Variants in CTNNBL1 observed in about 807,000 individuals in gnomAD.
CTNNBL1 encodes beta-catenin-like protein 1.
Under a neutral mutation model 72.7 loss-of-function variants are expected in CTNNBL1, and 31 were observed. The observed-to-expected ratio is 0.43, with a 90% confidence interval of 0.32 to 0.58. The LOEUF is 0.58. CTNNBL1 is among the 20% of genes least tolerant of loss of function. The pLI, the probability that CTNNBL1 is intolerant of heterozygous loss-of-function variation, is 0.08. For missense variants in CTNNBL1, 534 were observed against 725.1 expected (o/e 0.74, Z 3.03); for synonymous variants, 240 against 267.3 (o/e 0.90, Z 1.00).
chr20:37,738,301 T>G (rs1239924150), intron 3 of CTNNBL1, among the ~76,000 whole-genome samples: 1 of 152,188 alleles, frequency 6.6e-6, no homozygotes, highest in African/African-American at 2.4e-5. Flanking sequence ...CCTCACAGGG[T>G]TGTATGAAGA....
intron 11 of CTNNBL1, among the ~76,000 whole-genome samples, chr20:37,809,981 T>A (rs769112561): frequency 2.0e-5 from 3 of 152,174 alleles, no homozygotes. Flanking sequence ...GGTTGTACCA[T>A]AAGGCTGCTC....
intron 11 of CTNNBL1, among the ~76,000 whole-genome samples, chr20:37,812,847 G>C (rs2072023995): frequency 1.3e-5 from 2 of 152,220 alleles, no homozygotes; most frequent in Admixed American, 1.3e-4. Context: ...TAAAGATGTA[G>C]AAGGAAGTAT....
chr20:37,732,677 T>C (rs527859497), intron 1 of CTNNBL1, among the ~76,000 whole-genome samples: 1 of 152,344 alleles, frequency 6.6e-6, no homozygotes, highest in Admixed American at 6.5e-5. Context: ...GGATATTTGC[T>C]GTCTATGCCT....
chr20:37,742,223 G>A (rs1432244382), intron 3 of CTNNBL1, among the ~76,000 whole-genome samples: 1 of 152,168 alleles, frequency 6.6e-6, no homozygotes, highest in East Asian at 1.9e-4. Flanking sequence ...ATGTCACAAA[G>A]TTTTAGGGTC....
chr20:37,694,287 C>A, intron 1 of CTNNBL1, 135 bp downstream of exon 1: 2 of 737,506 alleles, frequency 2.7e-6, no homozygotes, highest in South Asian at 4.4e-5. Flanking sequence ...GGGGTCTCAG[C>A]CCCTCGTTTT....
chr20:37,812,863 G>T (rs1030896068), intron 11 of CTNNBL1, among the ~76,000 whole-genome samples: 2 of 152,198 alleles, frequency 1.3e-5, no homozygotes, highest in East Asian at 1.9e-4. Flanking sequence ...AGTATGAGGC[G>T]CTGTGGGAGC....
chr20:37,737,598 AC>A (rs762125837), intron 3 of CTNNBL1, 114 bp downstream of exon 3: 15 of 654,280 alleles, frequency 2.3e-5, no homozygotes, highest in Non-Finnish European at 3.6e-5. Context: ...TCCCAGGATG[AC>A]CCCCATGTTT....
At chr20:37,756,496 G>C (rs2073365278) in intron 4 of CTNNBL1, 1 of 152,036 alleles carries the variant, frequency 6.6e-6, no homozygotes, top group African/African-American at 2.4e-5. Context: ...GAGAGAGAGA[G>C]AGGGAGTTTT....
At chr20:37,782,600 A>G (rs2073635628) in intron 10 of CTNNBL1, among the ~76,000 whole-genome samples, 1 of 152,218 alleles carries the variant, frequency 6.6e-6, no homozygotes, top group Admixed American at 6.5e-5. Flanking sequence ...AAAGGGTTAA[A>G]AGAAACAAAA....
At chr20:37,714,674 G>A (rs770280057) in intron 1 of CTNNBL1, among the ~76,000 whole-genome samples, 10 of 152,206 alleles carry the variant, frequency 6.6e-5, no homozygotes, top group Non-Finnish European at 1.0e-4. Flanking sequence ...CATGATTGCT[G>A]TTTTCTCTTT....
At chr20:37,772,066 A>G (rs1422750271) in intron 7 of CTNNBL1, among the ~76,000 whole-genome samples, 2 of 152,184 alleles carry the variant, frequency 1.3e-5, no homozygotes, top group Non-Finnish European at 2.9e-5. Context: ...CTCATGGAGC[A>G]TCTTCTCTCC....
At chr20:37,859,793 G>A in intron 13 of CTNNBL1, 106 bp from the exon 14 acceptor site, 2 of 1,100,806 alleles carry the variant, frequency 1.8e-6, no homozygotes, top group Non-Finnish European at 2.6e-6. Flanking sequence ...TTCTTTTGCT[G>A]TTGTTATAGT....
intron 1 of CTNNBL1, among the ~76,000 whole-genome samples, chr20:37,708,969 T>G (rs535339326): frequency 2.7e-4 from 41 of 152,228 alleles, no homozygotes; most frequent in African/African-American, 9.2e-4. Context: ...AAACCCTGTC[T>G]CTACTGAAAA....
At chr20:37,753,949 G>T (rs965241944) in intron 4 of CTNNBL1, among the ~76,000 whole-genome samples, 2 of 152,106 alleles carry the variant, frequency 1.3e-5, no homozygotes, top group African/African-American at 4.8e-5. Flanking sequence ...TACAGATGAG[G>T]AAATTAAGCT....
intron 3 of CTNNBL1, among the ~76,000 whole-genome samples, chr20:37,740,349 C>T (rs1456922714): frequency 6.6e-6 from 1 of 152,146 alleles, no homozygotes. Context: ...ATGAAACTTT[C>T]CGGTTGAGAT....
intron 11 of CTNNBL1, among the ~76,000 whole-genome samples, chr20:37,834,074 A>G (rs1327499579): frequency 6.6e-6 from 1 of 152,210 alleles, no homozygotes; most frequent in African/African-American, 2.4e-5. Context: ...ATACCATTGC[A>G]GTTGATCATG....
intron 9 of CTNNBL1, 114 bp from the exon 10 acceptor site, chr20:37,779,073 T>G: frequency 2.0e-6 from 2 of 980,018 alleles, no homozygotes; most frequent in Non-Finnish European, 3.1e-6. Flanking sequence ...TTGGTGAGCT[T>G]CTGTTTCCTC....
At chr20:37,787,546 G>T (rs1311925959) in intron 10 of CTNNBL1, among the ~76,000 whole-genome samples, 1 of 151,930 alleles carries the variant, frequency 6.6e-6, no homozygotes, top group African/African-American at 2.4e-5. Context: ...GGGTTTCACC[G>T]TTTTAGCCGG....
chr20:37,847,889 A>C (rs2072359985), intron 13 of CTNNBL1: 1 of 152,842 alleles, frequency 6.5e-6, no homozygotes. Flanking sequence ...TTGTAATGAA[A>C]CAGTATCCAC....
Sources: allele counts gnomAD v4.1 joint callset (sites outside exome capture counted in the v4.1 genomes callset), GRCh38; gene constraint gnomAD v4.1.1; transcripts MANE v1.5; gene names NCBI Gene and HGNC (gene_info 2026-07-23, HGNC 2026-07-21).